Variants in USP25 observed in about 807,000 individuals in gnomAD.
The protein encoded by USP25 is ubiquitin specific peptidase 25.
A neutral mutation model predicts 158.5 loss-of-function variants in USP25; 85 were observed. That is an observed-to-expected ratio of 0.54 (90% CI 0.45 to 0.64). The LOEUF is 0.64. Ranked by LOEUF, USP25 falls within the 30% of genes least tolerant of loss-of-function variation. The pLI is 0.00. For missense variants in USP25, 1,242 were observed against 1,327.3 expected (o/e 0.94, Z 1.00); for synonymous variants, 464 against 460.4 (o/e 1.01, Z -0.10).
chr21:15,785,383 A>G (rs1221404658), intron 4 of USP25, among the ~76,000 whole-genome samples: 1 of 152,218 alleles, frequency 6.6e-6, no homozygotes, highest in Non-Finnish European at 1.5e-5. Flanking sequence ...ACATTTACAG[A>G]ACATGAACAG....
chr21:15,789,833 TAA>T (rs1456946642), intron 4 of USP25, among the ~76,000 whole-genome samples: 1 of 152,122 alleles, frequency 6.6e-6, no homozygotes, highest in Non-Finnish European at 1.5e-5. Flanking sequence ...CTGCCATTTA[TAA>T]AAGTCAATAA....
At chr21:15,864,501 C>A in intron 21 of USP25, 55 bp downstream of exon 21, 1 of 1,425,370 alleles carries the variant, frequency 7.0e-7, no homozygotes. Flanking sequence ...TTTTTTCCTG[C>A]AGATTCCCAG....
At chr21:15,761,897 T>G (rs917743475) in intron 1 of USP25, among the ~76,000 whole-genome samples, 2 of 152,180 alleles carry the variant, frequency 1.3e-5, no homozygotes, top group Non-Finnish European at 2.9e-5. Context: ...CTCTGCCCTA[T>G]GCGCCTTGGT....
At position 15,856,597 on chromosome 21, in the gene USP25, A is replaced by G. The variant is rs560565623; in HGVS notation, c.2547+6725A>G. Among the ~76,000 whole-genome samples, 321 of 151,636 alleles carry G rather than the reference A, an allele frequency of 2.1e-3. 1 individual carries two copies. Among genetic ancestry groups the G allele is most frequent in the African/African-American group, 6.9e-3 (286 of 41,276 alleles). ...CGCCATTCTCCTGCCTCAGCCTCCC[A>G]AGTAGCTGGGACTACAGGTGCCCGC... On this transcript the variant is annotated intron_variant, in intron 20 of 25. Transcript: ENST00000400183.
chr21:15,764,153 A>G lies in USP25; in HGVS notation c.123+1185A>G, dbSNP rs796108614. ...GAGGAAGCAGAAGTGCTATACCTCA[A>G]TTTTTATGATTATGACGTTTAGATA... On this transcript the variant is annotated intron_variant, in intron 2 of 25. Coordinates refer to ENST00000400183, the MANE Select transcript of USP25 (RefSeq NM_001283041.3). Among the ~76,000 whole-genome samples the G allele has an allele frequency of 2.9e-4, 44 of 152,256 alleles. 1 individual carries two copies. Among genetic ancestry groups the G allele is most frequent in the African/African-American group, 9.4e-4 (39 of 41,556 alleles).
At chr21:15,839,452 C>G (rs2038221985) in intron 17 of USP25, among the ~76,000 whole-genome samples, 1 of 152,100 alleles carries the variant, frequency 6.6e-6, no homozygotes, top group Non-Finnish European at 1.5e-5. Context: ...GTTGCGTGAG[C>G]CTTCCATACA....
chr21:15,756,663 A>G (rs531405944), intron 1 of USP25, among the ~76,000 whole-genome samples: 1 of 152,300 alleles, frequency 6.6e-6, no homozygotes, highest in South Asian at 2.1e-4. Flanking sequence ...TCTGAAGTGC[A>G]TAGTACTGTA....
At chr21:15,777,863 G>T in intron 3 of USP25, 41 bp from the exon 4 acceptor site, 2 of 1,544,546 alleles carry the variant, frequency 1.3e-6, no homozygotes, top group Non-Finnish European at 1.7e-6. Context: ...CTTTCATTTT[G>T]TTTTACTTTT....
intron 2 of USP25, among the ~76,000 whole-genome samples, chr21:15,764,385 AGAGGTTGTGT>A (rs2033914218): frequency 6.6e-6 from 1 of 150,648 alleles, no homozygotes; most frequent in South Asian, 2.1e-4. Flanking sequence ...TTCCTTTGAT[AGAGGTTGTGT>A]GAGCATAGGT....
rs989195748 is a variant in USP25 at position 15,875,330 on chromosome 21, G to A, written c.3009+804G>A. ...TGAAACCTTCAAAAAATGGTATAAT[G>A]TTTCTCATCATTTTTTGTAGTAACC... is the stretch of plus-strand genomic sequence containing the variant. On this transcript the variant is annotated intron_variant, in intron 24 of 25. Transcript: ENST00000400183. The surrounding 1 kb of genome is among the most constrained non-coding windows in gnomAD (Gnocchi z 4.7). 6.6e-6 allele frequency among the ~76,000 whole-genome samples: 1 copy of A among 152,092 alleles called. No individual in the cohort carries two copies. Among genetic ancestry groups the A allele is most frequent in the Non-Finnish European group, 1.5e-5 (1 of 68,028 alleles).
Position 15,847,763 on chromosome 21 carries a change from G to T in USP25, c.2438G>T (p.Gly813Val), listed in dbSNP as rs1311018066. Residue 813 changes from glycine to valine, a missense_variant, in exon 19 of 26, where the codon GGG (glycine) becomes GTG (valine). Coordinates refer to ENST00000400183, the MANE Select transcript of USP25 (RefSeq NM_001283041.3). ...GKFMIESKEGGYDDEIMMTPN... is the reference protein window; with the variant it reads ...GKFMIESKEGVYDDEIMMTPN... ...TTTATGATTGAATCAAAGGAGGGGG[G>T]GTATGATGACGAGGTACCTTTTACA... is the stretch of plus-strand genomic sequence containing the variant. 3 of 1,548,438 alleles carry T rather than the reference G, an allele frequency of 1.9e-6. No individual in the cohort carries two copies. In the East Asian group the frequency reaches 7.3e-5, roughly 38 times the overall value.
rs2038457446 is a variant in USP25, at chr21:15,843,919, C to G, written c.2337+1379C>G. Among the ~76,000 whole-genome samples, 1 of 152,086 alleles carries G rather than the reference C, an allele frequency of 6.6e-6. No homozygotes were observed. The highest frequency in any genetic ancestry group is 1.9e-4 in the East Asian group (1 of 5,194). ...AGCATTACTTAGCTTAATGTAGAAT[C>G]CTGATTTTAAGTTTGGAAAATCATA... On this transcript the variant is annotated intron_variant, in intron 18 of 25. Coordinates refer to ENST00000400183, the MANE Select transcript of USP25 (RefSeq NM_001283041.3). This position sits in a 1 kb window ranked among gnomAD's most constrained non-coding sequence, Gnocchi z 4.0.
chr21:15,818,914 A>T, intron 10 of USP25, 68 bp downstream of exon 10: 2 of 1,526,036 alleles, frequency 1.3e-6, no homozygotes, highest in Non-Finnish European at 1.8e-6. Context: ...AGCACAATGT[A>T]AGGTTCTAAT....
rs917219425 is a variant in USP25, at chr21:15,875,321, T to C, written c.3009+795T>C. Among the ~76,000 whole-genome samples, 2 of 152,174 alleles carry C rather than the reference T, an allele frequency of 1.3e-5. No homozygotes were observed. The highest frequency in any genetic ancestry group is 6.5e-5 in the Admixed American group (1 of 15,280). ...TGGTTCCTCTGAAACCTTCAAAAAA[T>C]GGTATAATGTTTCTCATCATTTTTT... On this transcript the variant is annotated intron_variant, in intron 24 of 25. Transcript: ENST00000400183. This position sits in a 1 kb window ranked among gnomAD's most constrained non-coding sequence, Gnocchi z 4.7.
At chr21:15,869,172 C>T (rs906670460) in intron 22 of USP25, among the ~76,000 whole-genome samples, 1 of 150,656 alleles carries the variant, frequency 6.6e-6, no homozygotes, top group Non-Finnish European at 1.5e-5. Flanking sequence ...TGCTGGAGCC[C>T]AGAAGGTCAA....
chr21:15,856,766 C>T (rs538558627), intron 20 of USP25, among the ~76,000 whole-genome samples: 2 of 152,292 alleles, frequency 1.3e-5, no homozygotes, highest in East Asian at 1.9e-4. Context: ...CCACCGCACC[C>T]GGCCAGAAGT....
intron 3 of USP25, among the ~76,000 whole-genome samples, chr21:15,770,758 T>C (rs1488239944): frequency 6.6e-6 from 1 of 152,206 alleles, no homozygotes; most frequent in Non-Finnish European, 1.5e-5. Context: ...TCAGTGCACA[T>C]AATGCTACAT....
intron 23 of USP25, among the ~76,000 whole-genome samples, chr21:15,870,875 C>G (rs1349539053): frequency 6.6e-6 from 1 of 152,090 alleles, no homozygotes; most frequent in Non-Finnish European, 1.5e-5. Context: ...AAAAAAGAAA[C>G]AAAGATCAGT....
intron 1 of USP25, among the ~76,000 whole-genome samples, chr21:15,730,974 C>CTTTTTTTTTTTTTTTTTTTTTTTTTT (rs1420306163): frequency 1.7e-5 from 1 of 60,350 alleles, no homozygotes; most frequent in African/African-American, 7.7e-5. Context: ...TTCTTCTTTT[C>CTTTTTTTTTTTTTTTTTTTTTTTTTT]TGTTTTTTTT....
Sources: allele counts gnomAD v4.1 joint callset (sites outside exome capture counted in the v4.1 genomes callset), GRCh38; gene constraint gnomAD v4.1.1; non-coding constraint Gnocchi (gnomAD v3.1); transcripts MANE v1.5; gene names NCBI Gene and HGNC (gene_info 2026-07-23, HGNC 2026-07-21).